The following ZNF622 variants were observed in gnomAD, a reference collection of about 807,000 sequenced individuals.
ZNF622 encodes cytoplasmic 60S subunit biogenesis factor ZNF622.
A neutral mutation model predicts 49.7 loss-of-function variants in ZNF622; 34 were observed. That is an observed-to-expected ratio of 0.68 (90% confidence interval 0.52 to 0.91). The LOEUF is 0.91. ZNF622 is among the 40% of genes least tolerant of loss of function. The pLI is 0.00. For synonymous variants in ZNF622, 209 were observed against 228.7 expected, an observed-to-expected ratio of 0.91 and a Z score of 0.78; for missense variants, 569 against 616.4, an observed-to-expected ratio of 0.92 and a Z score of 0.81.
At position 16,458,539 on chromosome 5, in the gene ZNF622, G is replaced by C; in HGVS notation, c.1140C>G (p.Thr380=). The C allele has an allele frequency of 6.2e-7, 1 of 1,613,316 alleles. No individual in the cohort carries two copies. The highest frequency in any genetic ancestry group is 8.5e-7 in the Non-Finnish European group (1 of 1,179,472). The change falls in exon 4 of 6, where the codon ACC becomes ACG. Residue 380 remains threonine (T), a synonymous_variant. Transcript: ENST00000308683. ...SEKNLEYDDE[T]MELILPSGAR... The stretch of plus-strand genomic sequence containing the variant: ...TACCAGAAGGCAGAATCAATTCCAT[G>C]GTTTCATCATCATATTCCAAGTTCT...
intron 4 of ZNF622, among the ~76,000 whole-genome samples, chr5:16,454,956 G>A (rs1334455718): frequency 6.6e-6 from 1 of 152,202 alleles, no homozygotes; most frequent in Non-Finnish European, 1.5e-5. Flanking sequence ...CTCTCCAAAG[G>A]TGGTCATCAG....
At position 16,465,408 on chromosome 5, in the gene ZNF622, G is replaced by C. The variant is rs1298377061; in HGVS notation, c.258C>G (p.Leu86=). ...CCAGCTCAACGTGACGCCGGGACTTGAGGTGGTTCTCGTAGGCGTTGAAAG... is the reference window on the plus strand; with the variant it reads ...CCAGCTCAACGTGACGCCGGGACTTCAGGTGGTTCTCGTAGGCGTTGAAAG... ...FASFNAYENH[L]KSRRHVELEK... Residue 86 remains leucine (L), a synonymous_variant, in exon 1 of 6, where the codon CTC becomes CTG. Coordinates refer to ENST00000308683, the MANE Select transcript of ZNF622 (RefSeq NM_033414.3). This position sits in a 1 kb window ranked among gnomAD's most constrained non-coding sequence, Gnocchi z 6.2. 1.2e-6 allele frequency: 2 copies of C among 1,614,260 alleles called. No individual in the cohort carries two copies. The highest frequency in any genetic ancestry group is 2.2e-5 in the East Asian group (1 of 44,876).
At chr5:16,452,854 T>G (rs1482022345) in intron 5 of ZNF622, among the ~76,000 whole-genome samples, 159 bp downstream of exon 5, 1 of 152,248 alleles carries the variant, frequency 6.6e-6, no homozygotes, top group Non-Finnish European at 1.5e-5. Flanking sequence ...GCTTATTGCC[T>G]TAAACATATC....
chr5:16,459,837 C>A (rs547166317), intron 3 of ZNF622, among the ~76,000 whole-genome samples: 18 of 152,280 alleles, frequency 1.2e-4, no homozygotes, highest in African/African-American at 4.3e-4. Flanking sequence ...CCAATCTATG[C>A]AGCTATAAGT....
At position 16,453,059 on chromosome 5, in the gene ZNF622, G is replaced by A. The variant is rs763467878; in HGVS notation, c.1260C>T (p.Gly420=). Residue 420 remains glycine, a synonymous_variant, in exon 5 of 6, where the codon GGC becomes GGT. Transcript: ENST00000308683. ...VAVAKNRKAV[G]RVLQQYRALG... ...GGGCTCTGTACTGCTGAAGTACTCG[G>A]CCCACGGCCTTCCGATTTTTGGCAA... 2 of 1,584,186 alleles carry A rather than the reference G, an allele frequency of 1.3e-6. No homozygotes were observed. The highest frequency in any genetic ancestry group is 1.3e-5 in the African/African-American group (1 of 74,268).
chr5:16,454,304 G>A (rs1328820857), intron 4 of ZNF622, among the ~76,000 whole-genome samples: 4 of 151,852 alleles, frequency 2.6e-5, no homozygotes, highest in Non-Finnish European at 4.4e-5. Flanking sequence ...TGGCTAACAC[G>A]GTGAAACCCC....
rs1224487359 is a variant in ZNF622, at chr5:16,451,655, T to A, written c.*2A>T. The A allele has an allele frequency of 5.0e-6, 8 of 1,612,998 alleles. No individual in the cohort carries two copies. The highest frequency in any genetic ancestry group is 6.8e-6 in the Non-Finnish European group (8 of 1,179,424). On this transcript the variant is annotated 3_prime_UTR_variant, in exon 6 of 6. Transcript: ENST00000308683. ...AGATGATTGCTCAATCCCAGCAGACTCTCAGAATCTCACTTGGACCCGAAA... is the reference window on the plus strand; with the variant it reads ...AGATGATTGCTCAATCCCAGCAGACACTCAGAATCTCACTTGGACCCGAAA...
At position 16,463,074 on chromosome 5, in the gene ZNF622, C is replaced by G; in HGVS notation, c.1049+34G>C. 8.2e-6 allele frequency: 13 copies of G among 1,586,750 alleles called. No homozygotes were observed. The highest frequency in any genetic ancestry group is 1.1e-5 in the Non-Finnish European group (13 of 1,169,006). ...AATAATCACTTCAAAGCAAATATGA[C>G]CTCACTTTACTTCATATTACAAACT... is the stretch of plus-strand genomic sequence containing the variant. On this transcript the variant is annotated intron_variant, in intron 3 of 5. Transcript: ENST00000308683. The surrounding 1 kb of genome is among the most constrained non-coding windows in gnomAD (Gnocchi z 4.2).
intron 4 of ZNF622, among the ~76,000 whole-genome samples, chr5:16,453,601 A>ATATATATG (rs1491053281): frequency 7.2e-6 from 1 of 138,338 alleles, no homozygotes; most frequent in Non-Finnish European, 1.6e-5. Flanking sequence ...ATATATATAT[A>ATATATATG]TGAAGAAGAT....
chr5:16,458,746 AAGC>A (rs1738074903), intron 3 of ZNF622, 117 bp from the exon 4 acceptor site: 1 of 656,916 alleles, frequency 1.5e-6, no homozygotes, highest in African/African-American at 1.8e-5. Context: ...AGAGGGGAGG[AAGC>A]AGCTGTAGGA....
intron 4 of ZNF622, among the ~76,000 whole-genome samples, chr5:16,453,649 G>A (rs1488355917): frequency 1.4e-5 from 2 of 142,772 alleles, no homozygotes; most frequent in Non-Finnish European, 3.0e-5. Flanking sequence ...GGGACTACAA[G>A]CCACAGTCAG....
At position 16,463,241 on chromosome 5, in the gene ZNF622, A is replaced by G. The variant is rs759662590; in HGVS notation, c.916T>C (p.Leu306=). Reference sequence around the variant, plus strand: ...GACTTCCCTTTCTCGTTGCACCACAAGCAAATCTTGCCAACACCAACTTTC... The same window carrying G: ...GACTTCCCTTTCTCGTTGCACCACAGGCAAATCTTGCCAACACCAACTTTC... ...GEKVGVGKIC[L]WCNEKGKSFY... Residue 306 remains leucine, a synonymous_variant, in exon 3 of 6, where the codon TTG becomes CTG. Transcript: ENST00000308683. This position sits in a 1 kb window ranked among gnomAD's most constrained non-coding sequence, Gnocchi z 4.2. 1.9e-6 allele frequency: 3 copies of G among 1,606,612 alleles called. No homozygotes were observed. The highest frequency in any genetic ancestry group is 1.7e-4 in the Middle Eastern group (1 of 6,042).
intron 4 of ZNF622, among the ~76,000 whole-genome samples, chr5:16,458,142 A>C: frequency 6.6e-6 from 1 of 152,182 alleles, no homozygotes; most frequent in East Asian, 1.9e-4. Context: ...GAGCAACAAA[A>C]GGAAACAGGA....
intron 4 of ZNF622, among the ~76,000 whole-genome samples, chr5:16,453,523 G>A (rs1330640669): frequency 7.1e-6 from 1 of 140,512 alleles, no homozygotes; most frequent in South Asian, 2.2e-4. Flanking sequence ...GGAGATAAGA[G>A]ATTTTTAGCG....
chr5:16,464,403 T>C (rs545220574), intron 1 of ZNF622, among the ~76,000 whole-genome samples: 19 of 152,332 alleles, frequency 1.2e-4, no homozygotes, highest in African/African-American at 4.3e-4. Flanking sequence ...ACCTTGATTT[T>C]GGACTTCCCA....
In ZNF622 at chr5:16,455,942, T is replaced by G. The variant is rs141859935; in HGVS notation, c.1162+2575A>C. ...TATGATGGGCTAAGGACAGCTACAC[T>G]TGAAGGCCCTCATCAAGGAAAAGTA... is the stretch of plus-strand genomic sequence containing the variant. On this transcript the variant is annotated intron_variant, in intron 4 of 5. Coordinates refer to ENST00000308683, the MANE Select transcript of ZNF622 (RefSeq NM_033414.3). 2.3e-3 allele frequency among the ~76,000 whole-genome samples: 354 copies of G among 152,272 alleles called. 1 individual carries two copies. Among genetic ancestry groups the G allele is most frequent in the Admixed American group, 7.2e-3 (110 of 15,296 alleles).
chr5:16,464,281 C>A (rs1272790767), intron 1 of ZNF622, among the ~76,000 whole-genome samples: 3 of 152,054 alleles, frequency 2.0e-5, no homozygotes, highest in Non-Finnish European at 4.4e-5. Flanking sequence ...TGGATTAGTG[C>A]GAGGGAACTG....
chr5:16,465,607 C>T lies in ZNF622; in HGVS notation c.59G>A (p.Arg20Gln), dbSNP rs1250150614. The T allele has an allele frequency of 3.1e-6, 5 of 1,603,058 alleles. No homozygotes were observed. In the Admixed American group the frequency reaches 6.9e-5, roughly 22 times the overall value. The change falls in exon 1 of 6, where the codon CGG (arginine) becomes CAG (glutamine). Residue 20 changes from arginine to glutamine, a missense_variant. Arg to Gln is a conservative substitution (Grantham distance 43). Transcript: ENST00000308683. The surrounding 1 kb of genome is among the most constrained non-coding windows in gnomAD (Gnocchi z 6.2). ...GTGCCAGTCCGTCTTATAGTGGGCCCGCTGCATGTCCGCGTCGCGGAACGC... is the reference window on the plus strand; with the variant it reads ...GTGCCAGTCCGTCTTATAGTGGGCCTGCTGCATGTCCGCGTCGCGGAACGC... ...RVAFRDADMQ[R>Q]AHYKTDWHRY... is the part of the protein sequence containing the mutation.
Position 16,465,099 on chromosome 5 carries a change from C to T in ZNF622, c.567G>A (p.Lys189=), listed in dbSNP as rs770820317. The change falls in exon 1 of 6, where the codon AAG becomes AAA. Residue 189 remains lysine, a synonymous_variant. Coordinates refer to ENST00000308683, the MANE Select transcript of ZNF622 (RefSeq NM_033414.3). This position sits in a 1 kb window ranked among gnomAD's most constrained non-coding sequence, Gnocchi z 6.2. ...RLQWFEQQAK[K]LAKQQEEDSE... ...TGTCCTCCTCCTGCTGCTTTGCCAA[C>T]TTCTTCGCCTGCTGTTCAAACCACT... The T allele has an allele frequency of 1.2e-6, 2 of 1,612,220 alleles. No individual in the cohort carries two copies. The highest frequency in any genetic ancestry group is 1.3e-5 in the African/African-American group (1 of 74,864).
Sources: allele counts gnomAD v4.1 joint callset (sites outside exome capture counted in the v4.1 genomes callset), GRCh38; gene constraint gnomAD v4.1.1; non-coding constraint Gnocchi (gnomAD v3.1); transcripts MANE v1.5; gene names NCBI Gene and HGNC (gene_info 2026-07-23, HGNC 2026-07-21).